NRF1: variants seen among roughly 807,000 people sequenced by gnomAD.
NRF1 encodes the protein nuclear respiratory factor 1.
NRF1 carries 5 observed loss-of-function variants against 58.5 expected under a neutral mutation model. The ratio of observed to expected loss-of-function variants is 0.09; its 90% confidence interval spans 0.04 to 0.18. NRF1 has a LOEUF of 0.18. Among genes scored for constraint, NRF1 ranks in the 10% least tolerant of loss-of-function variants. NRF1 has a pLI of 1.00. For missense variants in NRF1, 288 were observed against 657.7 expected, an observed-to-expected ratio of 0.44 and a Z score of 6.15; for synonymous variants, 224 against 246.7, an observed-to-expected ratio of 0.91 and a Z score of 0.86.
intron 5 of NRF1, 21 bp downstream of exon 5, chr7:129,690,567 A>C (rs759985051): frequency 6.2e-7 from 1 of 1,613,724 alleles, no homozygotes; most frequent in South Asian, 1.1e-5. Flanking sequence ...GGAGGTGAGG[A>C]GGAGACTCAA....
Position 129,662,133 on chromosome 7 carries a change from C to A in NRF1, c.223+4559C>A, listed in dbSNP as rs191414288. Among the ~76,000 whole-genome samples the A allele has an allele frequency of 1.9e-3, 283 of 151,406 alleles. 2 individuals carry two copies. The highest frequency in any genetic ancestry group is 1.6e-3 in the Non-Finnish European group (110 of 68,014). ...ACCTGCCCGCATGATTCAGTTACCT[C>A]CCACTAGGTTCCTCCCACAACATGT... is the stretch of plus-strand genomic sequence containing the variant. On this transcript the variant is annotated intron_variant, in intron 2 of 10. Transcript: ENST00000393232.
intron 1 of NRF1, among the ~76,000 whole-genome samples, chr7:129,633,224 A>G (rs1032052606): frequency 2.0e-5 from 3 of 152,218 alleles, no homozygotes; most frequent in South Asian, 2.1e-4. Flanking sequence ...CTAGTAAACA[A>G]ATTTTCCAGA....
At chr7:129,631,361 A>T (rs1801045134) in intron 1 of NRF1, among the ~76,000 whole-genome samples, 2 of 152,066 alleles carry the variant, frequency 1.3e-5, no homozygotes, top group South Asian at 4.1e-4. Flanking sequence ...CTGGGATCAC[A>T]AGCGTGCGCC....
At chr7:129,675,769 A>G (rs1410525654) in intron 3 of NRF1, among the ~76,000 whole-genome samples, 1 of 152,212 alleles carries the variant, frequency 6.6e-6, no homozygotes, top group African/African-American at 2.4e-5. Flanking sequence ...TTCTATTTAT[A>G]GAGGACAGGC....
intron 10 of NRF1, among the ~76,000 whole-genome samples, chr7:129,745,023 T>C (rs553737740): frequency 3.9e-5 from 6 of 152,000 alleles, no homozygotes; most frequent in Admixed American, 6.6e-5. Context: ...AGTTTGAAAG[T>C]AATAATAACA....
At chr7:129,731,232 C>CT (rs1296286729) in intron 10 of NRF1, among the ~76,000 whole-genome samples, 1 of 150,054 alleles carries the variant, frequency 6.7e-6, no homozygotes, top group Non-Finnish European at 1.5e-5. Flanking sequence ...GATCATGCCA[C>CT]TGCACTCCGG....
At chr7:129,613,669 G>T (rs1012928318) in intron 1 of NRF1, among the ~76,000 whole-genome samples, 27 of 151,908 alleles carry the variant, frequency 1.8e-4, no homozygotes, top group Non-Finnish European at 1.0e-4. Flanking sequence ...AGGCCGAGGC[G>T]GGGTGGATCA....
intron 10 of NRF1, among the ~76,000 whole-genome samples, chr7:129,753,507 C>T (rs1009363853): frequency 2.6e-5 from 4 of 152,190 alleles, no homozygotes; most frequent in East Asian, 1.9e-4. Flanking sequence ...TGACATCCCT[C>T]GGTTATATCC....
intron 5 of NRF1, among the ~76,000 whole-genome samples, chr7:129,691,544 G>A (rs1332621466): frequency 6.6e-6 from 1 of 150,830 alleles, no homozygotes; most frequent in Admixed American, 6.6e-5. Flanking sequence ...TAGTAGAGAT[G>A]GGGTTTTGCT....
intron 10 of NRF1, among the ~76,000 whole-genome samples, chr7:129,734,143 A>G (rs977362748): frequency 1.3e-5 from 2 of 152,222 alleles, no homozygotes; most frequent in African/African-American, 4.8e-5. Context: ...CTGTTGTATC[A>G]TTATTTTATT....
chr7:129,723,883 A>C (rs1221131850), intron 9 of NRF1, among the ~76,000 whole-genome samples: 4 of 152,240 alleles, frequency 2.6e-5, no homozygotes, highest in Non-Finnish European at 4.4e-5. Context: ...CTACATACAA[A>C]AGAATGAAGT....
intron 1 of NRF1, among the ~76,000 whole-genome samples, chr7:129,643,299 G>A (rs910104583): frequency 2.0e-5 from 3 of 152,168 alleles, no homozygotes; most frequent in African/African-American, 7.2e-5. Flanking sequence ...AATTGAGCCC[G>A]CCACTGAAGC....
intron 1 of NRF1, among the ~76,000 whole-genome samples, chr7:129,613,293 T>TTG (rs560120370): frequency 7.3e-4 from 111 of 151,436 alleles, no homozygotes; most frequent in East Asian, 2.9e-3. Flanking sequence ...GAGATGCTGT[T>TTG]TGTGTGTGTG....
intron 5 of NRF1, among the ~76,000 whole-genome samples, chr7:129,702,647 A>G (rs1440774408): frequency 6.6e-6 from 1 of 152,224 alleles, no homozygotes; most frequent in Non-Finnish European, 1.5e-5. Flanking sequence ...CTGGACGGTA[A>G]TAATTTTAAG....
chr7:129,687,681 G>A (rs1802474066), intron 4 of NRF1, among the ~76,000 whole-genome samples: 1 of 152,186 alleles, frequency 6.6e-6, no homozygotes, highest in Admixed American at 6.5e-5. Flanking sequence ...GAGTAAAAAG[G>A]CCAGGGATAG....
chr7:129,714,961 G>C (rs1177403220), intron 8 of NRF1, among the ~76,000 whole-genome samples: 2 of 152,182 alleles, frequency 1.3e-5, no homozygotes, highest in East Asian at 1.9e-4. Context: ...AAGGTCCTGA[G>C]ACCCAGGAGT....
At chr7:129,739,233 T>C (rs1323372933) in intron 10 of NRF1, among the ~76,000 whole-genome samples, 1 of 152,250 alleles carries the variant, frequency 6.6e-6, no homozygotes, top group Admixed American at 6.5e-5. Context: ...GTCACAATCA[T>C]ATTTCAAGTG....
rs1014531539 is a variant in NRF1, at chr7:129,642,299, A to G, written c.-6-15047A>G. Among the ~76,000 whole-genome samples the G allele has an allele frequency of 3.3e-4, 50 of 152,156 alleles. 1 individual carries two copies. Among genetic ancestry groups the G allele is most frequent in the Admixed American group, 3.3e-3 (50 of 15,268 alleles). On this transcript the variant is annotated intron_variant, in intron 1 of 10. Transcript: ENST00000393232. The stretch of plus-strand genomic sequence containing the variant: ...GCGCCCAGCCAAGACTCAGCTTATT[A>G]AACCATTTATTTACTCATTATTCAA...
At chr7:129,671,032 A>G (rs1055297422) in intron 2 of NRF1, among the ~76,000 whole-genome samples, 1 of 152,244 alleles carries the variant, frequency 6.6e-6, no homozygotes, top group Non-Finnish European at 1.5e-5. Flanking sequence ...GGATAGAAGT[A>G]AATACTGAAA....
Sources: allele counts gnomAD v4.1 joint callset (sites outside exome capture counted in the v4.1 genomes callset), GRCh38; gene constraint gnomAD v4.1.1; transcripts MANE v1.5; gene names NCBI Gene and HGNC (gene_info 2026-07-23, HGNC 2026-07-21).